Variants in KLF12 observed in about 807,000 individuals in gnomAD.
KLF12 encodes the protein KLF transcription factor 12, also known as Krueppel-like factor 12.
KLF12 carries 9 observed loss-of-function variants against 37.8 expected under a neutral mutation model. The observed-to-expected ratio is 0.24, with a 90% CI of 0.14 to 0.42. The LOEUF (loss-of-function observed/expected upper bound fraction) is 0.42, where lower values mean the gene tolerates loss of function less well. Ranked by LOEUF, KLF12 falls within the 10% of genes least tolerant of loss-of-function variation. The pLI, the probability that KLF12 is intolerant of heterozygous loss-of-function variation, is 1.00. For missense variants in KLF12, 411 were observed against 516.0 expected, an observed-to-expected ratio of 0.80 and a Z score of 1.97; for synonymous variants, 208 against 202.1, an observed-to-expected ratio of 1.03 and a Z score of -0.25.
intron 2 of KLF12, among the ~76,000 whole-genome samples, chr13:73,971,784 C>A (rs1262501097): frequency 6.6e-6 from 1 of 152,194 alleles, no homozygotes; most frequent in Non-Finnish European, 1.5e-5. Context: ...AATACTACCA[C>A]TTTGGGAGGC....
intron 5 of KLF12, among the ~76,000 whole-genome samples, chr13:73,780,434 T>C (rs903152940): frequency 2.4e-4 from 37 of 151,966 alleles, no homozygotes; most frequent in African/African-American, 8.9e-4. Context: ...ATCATTCTTA[T>C]GCCTTTGCAT....
intron 6 of KLF12, among the ~76,000 whole-genome samples, chr13:73,753,192 C>T (rs1325225985): frequency 1.3e-5 from 2 of 152,104 alleles, no homozygotes; most frequent in African/African-American, 4.8e-5. Flanking sequence ...GTTTCTGCTC[C>T]CACCGACCTC....
At chr13:74,255,380 T>C in the KLF12 span, among the ~76,000 whole-genome samples, 1 of 152,222 alleles carries the variant, frequency 6.6e-6, no homozygotes, top group Non-Finnish European at 1.5e-5. Context: ...TCATTGTTTT[T>C]GATGTATACT....
At chr13:73,813,589 C>G (rs994605874) in intron 4 of KLF12, among the ~76,000 whole-genome samples, 5 of 152,092 alleles carry the variant, frequency 3.3e-5, no homozygotes, top group African/African-American at 1.2e-4. Context: ...TAACGTAGCT[C>G]CTGAGCTACT....
chr13:74,028,729 T>C (rs1324915), intron 1 of KLF12, among the ~76,000 whole-genome samples: 151,675 of 152,148 alleles, frequency 1, 75,604 homozygotes, highest in Middle Eastern at 1. Context: ...TAAGATTTTA[T>C]AATGCATCTA....
intron 5 of KLF12, among the ~76,000 whole-genome samples, chr13:73,796,408 T>G (rs1881968243): frequency 6.6e-6 from 1 of 152,038 alleles, no homozygotes; most frequent in Non-Finnish European, 1.5e-5. Flanking sequence ...TCTCACATTT[T>G]ATTCTTCTGG....
chr13:73,718,143 C>A (rs1241228289), intron 6 of KLF12, among the ~76,000 whole-genome samples: 1 of 152,110 alleles, frequency 6.6e-6, no homozygotes, highest in East Asian at 1.9e-4. Context: ...CATAAACACA[C>A]ACATACAGGT....
At chr13:74,018,184 T>C (rs1021944004) in intron 1 of KLF12, among the ~76,000 whole-genome samples, 3 of 152,128 alleles carry the variant, frequency 2.0e-5, no homozygotes, top group African/African-American at 7.2e-5. Context: ...TGTGTGACAT[T>C]ATTCTAAGTG....
At chr13:74,010,667 C>T (rs1417051338) in intron 1 of KLF12, among the ~76,000 whole-genome samples, 1 of 152,016 alleles carries the variant, frequency 6.6e-6, no homozygotes, top group Non-Finnish European at 1.5e-5. Flanking sequence ...AAAACACAGA[C>T]CTAATCAATA....
At chr13:74,079,723 G>C (rs1280662259) in intron 1 of KLF12, among the ~76,000 whole-genome samples, 1 of 152,112 alleles carries the variant, frequency 6.6e-6, no homozygotes, top group Non-Finnish European at 1.5e-5. Flanking sequence ...ACTATCAAAA[G>C]AAAGAAATAA....
At chr13:74,107,346 A>G (rs539169712) in intron 1 of KLF12, among the ~76,000 whole-genome samples, 55 of 152,250 alleles carry the variant, frequency 3.6e-4, no homozygotes, top group Non-Finnish European at 5.9e-4. Flanking sequence ...TAGGGTCCCT[A>G]TGCAATCAAT....
intron 2 of KLF12, among the ~76,000 whole-genome samples, chr13:73,962,506 G>A (rs2139468540): frequency 6.6e-6 from 1 of 152,288 alleles, no homozygotes; most frequent in South Asian, 2.1e-4. Context: ...TGTCAACGTA[G>A]GTTCATCCAT....
chr13:73,712,973 T>G (rs1051122322), intron 7 of KLF12, among the ~76,000 whole-genome samples: 3 of 152,208 alleles, frequency 2.0e-5, no homozygotes, highest in Non-Finnish European at 2.9e-5. Flanking sequence ...TATTGGGATG[T>G]CGGGAACTGA....
chr13:73,798,640 G>A (rs1882123868), intron 5 of KLF12, among the ~76,000 whole-genome samples: 1 of 151,998 alleles, frequency 6.6e-6, no homozygotes, highest in Non-Finnish European at 1.5e-5. Context: ...AATAGATAAT[G>A]TCACCAGCAA....
the KLF12 span, among the ~76,000 whole-genome samples, chr13:74,304,835 G>T: frequency 6.6e-6 from 1 of 151,966 alleles, no homozygotes; most frequent in Non-Finnish European, 1.5e-5. Context: ...CATGCATTAG[G>T]ACCTATCAGA....
chr13:73,789,825 C>T lies in KLF12; in HGVS notation c.806+23327G>A, dbSNP rs374301202. On this transcript the variant is annotated intron_variant, in intron 5 of 7. Transcript: ENST00000377669. ...CCGAGTAGCTGGGACTACAGGCGTC[C>T]GCCACTACGCCCGGTTTATTTTTTG... Among the ~76,000 whole-genome samples the T allele has an allele frequency of 9.5e-4, 144 of 152,094 alleles. 1 individual carries two copies. Among genetic ancestry groups the T allele is most frequent in the Middle Eastern group, 3.4e-3 (1 of 294 alleles).
At chr13:74,238,920 T>C in the KLF12 span, among the ~76,000 whole-genome samples, 1 of 150,466 alleles carries the variant, frequency 6.6e-6, no homozygotes, top group Non-Finnish European at 1.5e-5. Context: ...TTTTGAAGGG[T>C]TTTTTGTGTC....
At chr13:73,878,638 G>C (rs1372767785) in intron 3 of KLF12, among the ~76,000 whole-genome samples, 2 of 152,164 alleles carry the variant, frequency 1.3e-5, no homozygotes, top group East Asian at 1.9e-4. Flanking sequence ...CTAAAAAAGA[G>C]ATTTTTCTAA....
chr13:74,069,854 G>A (rs972917434), intron 1 of KLF12, among the ~76,000 whole-genome samples: 1 of 152,092 alleles, frequency 6.6e-6, no homozygotes, highest in African/African-American at 2.4e-5. Context: ...CGCATCTGGT[G>A]GTCAAAGATT....
Sources: allele counts gnomAD v4.1 joint callset (sites outside exome capture counted in the v4.1 genomes callset), GRCh38; gene constraint gnomAD v4.1.1; transcripts MANE v1.5; gene names NCBI Gene and HGNC (gene_info 2026-07-23, HGNC 2026-07-21).